Variants in STK3 observed in about 807,000 individuals in gnomAD.
STK3 encodes the protein serine/threonine kinase 3.
Under a neutral mutation model 58.0 loss-of-function variants are expected in STK3, and 41 were observed. That is an observed-to-expected ratio of 0.71 (90% CI 0.55 to 0.92). The LOEUF (loss-of-function observed/expected upper bound fraction) is 0.92, where lower values mean the gene tolerates loss of function less well. STK3 is among the 40% of genes least tolerant of loss of function. The pLI is 0.00. For synonymous variants in STK3, 170 were observed against 191.0 expected (o/e 0.89, Z 0.91); for missense variants, 479 against 602.7 (o/e 0.79, Z 2.15).
intron 6 of STK3, chr8:98,601,449 A>G (rs547619794): frequency 6.6e-6 from 1 of 152,318 alleles, no homozygotes; most frequent in East Asian, 1.9e-4. Flanking sequence ...CACTTAAAGA[A>G]CTTTATCACA....
chr8:98,721,140 A>T, intron 4 of STK3: 2 of 984,212 alleles, frequency 2.0e-6, no homozygotes, highest in Non-Finnish European at 2.4e-6. Flanking sequence ...TGAGCATTTT[A>T]TTGAAAACAG....
intron 6 of STK3, among the ~76,000 whole-genome samples, chr8:98,694,000 T>G (rs1563896547): frequency 6.6e-6 from 1 of 152,204 alleles, no homozygotes; most frequent in Non-Finnish European, 1.5e-5. Flanking sequence ...ATCCTTTCTT[T>G]GTGAAAAAAG....
Position 98,706,616 on chromosome 8 carries a change from T to G in STK3, c.535A>C (p.Asn179His). ...GQLTDTMAKR[N>H]TVIGTPFWMA... The stretch of plus-strand genomic sequence containing the variant: ...CAAAATGGAGTTCCTATTACAGTAT[T>G]GCGTTTTGCCATTGTATCCTGCAAT... Residue 179 changes from asparagine to histidine, a missense_variant, in exon 6 of 11, where the codon AAT becomes CAT. Coordinates refer to ENST00000419617, the MANE Select transcript of STK3 (RefSeq NM_006281.4). 6.2e-7 allele frequency: 1 copy of G among 1,603,618 alleles called. No homozygotes were observed. The highest frequency in any genetic ancestry group is 8.5e-7 in the Non-Finnish European group (1 of 1,176,260).
the STK3 span, among the ~76,000 whole-genome samples, chr8:98,348,628 C>T: frequency 6.6e-6 from 1 of 152,098 alleles, no homozygotes; most frequent in South Asian, 2.1e-4. Context: ...AGCATCTCAA[C>T]AAAAATATAC....
intron 4 of STK3, among the ~76,000 whole-genome samples, chr8:98,730,191 G>A (rs1828075345): frequency 6.6e-6 from 1 of 152,096 alleles, no homozygotes; most frequent in Non-Finnish European, 1.5e-5. Flanking sequence ...CCTTACACTG[G>A]TAACTAAAGA....
At chr8:98,495,247 A>G (rs1823031227) in intron 10 of STK3, among the ~76,000 whole-genome samples, 1 of 152,206 alleles carries the variant, frequency 6.6e-6, no homozygotes, top group East Asian at 1.9e-4. Flanking sequence ...TTCACGTTTC[A>G]AACAGGAGGA....
intron 1 of STK3, chr8:98,905,180 G>A: frequency 9.1e-7 from 1 of 1,095,500 alleles, no homozygotes; most frequent in Non-Finnish European, 1.4e-6. Context: ...ACTGATAGCA[G>A]CCACACTGGT....
chr8:98,434,814 A>G (rs182321929), intron 2 of STK3, among the ~76,000 whole-genome samples: 67 of 152,194 alleles, frequency 4.4e-4, no homozygotes, highest in Middle Eastern at 3.4e-3. Context: ...GAAAGAGAGA[A>G]AAAAAAAGAG....
chr8:98,879,386 G>T (rs571599303), downstream of STK3: 1 of 152,232 alleles, frequency 6.6e-6, no homozygotes, highest in African/African-American at 2.4e-5. Flanking sequence ...GGCTGACCAC[G>T]GTTGTTACTC....
chr8:98,681,961 C>T (rs1044796833), intron 6 of STK3, among the ~76,000 whole-genome samples: 4 of 152,236 alleles, frequency 2.6e-5, no homozygotes, highest in Non-Finnish European at 5.9e-5. Flanking sequence ...AACGGGCCTA[C>T]AGCAAAATAG....
At chr8:98,570,981 C>T (rs1812913584) in intron 8 of STK3, among the ~76,000 whole-genome samples, 1 of 152,160 alleles carries the variant, frequency 6.6e-6, no homozygotes. Context: ...TCTGGACTGA[C>T]TTGGGCTAAT....
At chr8:98,770,009 A>T (rs1831198617) in intron 2 of STK3, among the ~76,000 whole-genome samples, 1 of 152,192 alleles carries the variant, frequency 6.6e-6, no homozygotes, top group African/African-American at 2.4e-5. Context: ...GTTATGTTAA[A>T]GTTAAGGTAT....
intron 10 of STK3, among the ~76,000 whole-genome samples, chr8:98,458,631 G>A (rs60727708): frequency 0.014 from 2,127 of 152,204 alleles, 49 homozygotes; most frequent in African/African-American, 0.049. Context: ...ATCCCCATGT[G>A]TCTAGGGAGA....
intron 3 of STK3, among the ~76,000 whole-genome samples, chr8:98,764,308 C>A (rs1253233289): frequency 6.6e-6 from 1 of 152,148 alleles, no homozygotes; most frequent in African/African-American, 2.4e-5. Flanking sequence ...CTGGGGTTCC[C>A]TCAATCTGTA....
intron 3 of STK3, among the ~76,000 whole-genome samples, chr8:98,409,000 C>T (rs564720840): frequency 1.3e-5 from 2 of 152,286 alleles, no homozygotes; most frequent in African/African-American, 2.4e-5. Flanking sequence ...TGATTCTGCT[C>T]GCCTTGTTGA....
At chr8:98,746,418 C>T (rs1829644854) in intron 4 of STK3, among the ~76,000 whole-genome samples, 1 of 152,012 alleles carries the variant, frequency 6.6e-6, no homozygotes, top group Non-Finnish European at 1.5e-5. Context: ...AGGATATGAG[C>T]CTAGGCAGCG....
intron 4 of STK3, 132 bp from the exon 5 acceptor site, chr8:98,707,443 C>T (rs1826046418): frequency 4.4e-6 from 3 of 688,856 alleles, no homozygotes; most frequent in East Asian, 3.0e-5. Context: ...CACTCTGTTG[C>T]CCAGGCTACA....
chr8:98,834,663 A>C (rs1260771420), intron 3 of STK3, among the ~76,000 whole-genome samples: 3 of 152,238 alleles, frequency 2.0e-5, no homozygotes, highest in Non-Finnish European at 2.9e-5. Context: ...ATGGTAGAAG[A>C]GGTAAACAGC....
At chr8:98,363,430 C>CG in the STK3 span, among the ~76,000 whole-genome samples, 2 of 152,078 alleles carry the variant, frequency 1.3e-5, no homozygotes, top group African/African-American at 4.8e-5. Context: ...AGAAGGGGCC[C>CG]GGGTTCCGGT....
Sources: gnomAD v4.1 joint callset for allele counts (sites outside exome capture counted in the v4.1 genomes callset) on GRCh38, gnomAD v4.1.1 for gene constraint, MANE v1.5 for transcripts, NCBI Gene and HGNC (gene_info 2026-07-23, HGNC 2026-07-21) for gene names.